USH2A: variants seen among roughly 807,000 people sequenced by gnomAD.
The protein encoded by USH2A is Usher syndrome 2A (autosomal recessive, mild).
A neutral mutation model predicts 538.9 loss-of-function variants in USH2A; 443 were observed. The ratio of observed to expected loss-of-function variants is 0.82; its 90% CI spans 0.76 to 0.89. The LOEUF (loss-of-function observed/expected upper bound fraction) is 0.89, where lower values mean the gene tolerates loss of function less well. USH2A is among the 40% of genes least tolerant of loss of function. The pLI, the probability that USH2A is intolerant of heterozygous loss-of-function variation, is 0.00. For synonymous variants in USH2A, 2,413 were observed against 2,273.5 expected (o/e 1.06, Z -1.75); for missense variants, 6,633 against 6,324.8 (o/e 1.05, Z -1.65).
At chr1:216,410,047 A>C (rs2039460489) in intron 3 of USH2A, among the ~76,000 whole-genome samples, 2 of 152,176 alleles carry the variant, frequency 1.3e-5, no homozygotes, top group African/African-American at 4.8e-5. Context: ...AAAAGTGGGC[A>C]AAGGACATAA....
At chr1:215,994,382 TTA>T (rs1668085540) in intron 34 of USH2A, among the ~76,000 whole-genome samples, 1 of 152,122 alleles carries the variant, frequency 6.6e-6, no homozygotes, top group African/African-American at 2.4e-5. Context: ...TGACTGATTT[TTA>T]GATTTTTTTT....
intron 56 of USH2A, among the ~76,000 whole-genome samples, chr1:215,760,864 C>T (rs780619178): frequency 6.6e-6 from 1 of 152,132 alleles, no homozygotes; most frequent in African/African-American, 2.4e-5. Flanking sequence ...GCCTCCATGT[C>T]GAAATCTTGG....
chr1:215,764,031 A>T (rs1176250854), intron 56 of USH2A, among the ~76,000 whole-genome samples: 7 of 152,084 alleles, frequency 4.6e-5, no homozygotes, highest in African/African-American at 1.4e-4. Context: ...GGAGTGGAAG[A>T]ATTAAGTGGC....
chr1:216,065,757 C>T (rs896671529), intron 30 of USH2A, among the ~76,000 whole-genome samples: 8 of 151,878 alleles, frequency 5.3e-5, no homozygotes, highest in South Asian at 4.2e-4. Flanking sequence ...GTTACCCTGG[C>T]GTGGTGATGC....
chr1:216,050,612 T>TTC (rs1558231950), intron 30 of USH2A, among the ~76,000 whole-genome samples: 1 of 25,466 alleles, frequency 3.9e-5, no homozygotes, highest in Non-Finnish European at 8.0e-5. Flanking sequence ...TTCTTTTTTT[T>TTC]TTTTTTTTTT....
intron 13 of USH2A, among the ~76,000 whole-genome samples, chr1:216,239,120 A>G (rs1392230505): frequency 6.6e-6 from 1 of 152,012 alleles, no homozygotes; most frequent in Non-Finnish European, 1.5e-5. Flanking sequence ...AAAAAACATT[A>G]AAGTGGAATT....
At chr1:215,708,053 C>T (rs1434775080) in intron 61 of USH2A, among the ~76,000 whole-genome samples, 1 of 152,104 alleles carries the variant, frequency 6.6e-6, no homozygotes, top group African/African-American at 2.4e-5. Flanking sequence ...ACCATCATAT[C>T]TGAAGCAAAA....
intron 61 of USH2A, among the ~76,000 whole-genome samples, chr1:215,682,380 A>G (rs1658263780): frequency 6.6e-6 from 1 of 152,188 alleles, no homozygotes; most frequent in East Asian, 1.9e-4. Flanking sequence ...CACCTGCTCA[A>G]TTATAATTTA....
At chr1:215,968,022 AT>A (rs139402531) in intron 36 of USH2A, among the ~76,000 whole-genome samples, 3,191 of 152,234 alleles carry the variant, frequency 0.021, 66 homozygotes, top group South Asian at 0.082. Context: ...AAGCAAAGTG[AT>A]TTTCTTATGG....
chr1:216,123,212 C>T (rs1423837979), intron 21 of USH2A, among the ~76,000 whole-genome samples: 1 of 152,166 alleles, frequency 6.6e-6, no homozygotes, highest in East Asian at 1.9e-4. Context: ...AGCACAGTTG[C>T]ACAGTTTTGT....
At chr1:215,669,989 A>G (rs924788088) in intron 64 of USH2A, among the ~76,000 whole-genome samples, 12 of 152,224 alleles carry the variant, frequency 7.9e-5, no homozygotes, top group Non-Finnish European at 1.5e-4. Flanking sequence ...AAGTGCTTAC[A>G]TCAGTCAGTA....
chr1:216,064,685 G>A (rs554001547), intron 30 of USH2A, among the ~76,000 whole-genome samples: 4 of 151,806 alleles, frequency 2.6e-5, no homozygotes, highest in African/African-American at 7.3e-5. Flanking sequence ...TCTGTGTTTT[G>A]ATCTGTTTAG....
Position 216,073,219 on chromosome 1 carries a change from C to T in USH2A, c.5654G>A (p.Arg1885Lys). The T allele has an allele frequency of 6.2e-7, 1 of 1,613,920 alleles. No homozygotes were observed. The highest frequency in any genetic ancestry group is 2.2e-5 in the East Asian group (1 of 44,854). Residue 1885 changes from arginine to lysine, a missense_variant, in exon 28 of 72, where the codon AGA (arginine) becomes AAA (lysine). By Grantham distance (26) the Arg-to-Lys change is conservative. Transcript: ENST00000307340. ...TGATAGGCATCCATCCAGATTGACTCTGACAGCACCGCTGGACACAGATGC... is the reference window on the plus strand; with the variant it reads ...TGATAGGCATCCATCCAGATTGACTTTGACAGCACCGCTGGACACAGATGC... The part of the protein sequence containing the change: ...NLASVSSGAV[R>K]VNLDGCLSTD...
At chr1:216,331,303 A>C (rs1248131446) in intron 4 of USH2A, among the ~76,000 whole-genome samples, 1 of 152,138 alleles carries the variant, frequency 6.6e-6, no homozygotes, top group African/African-American at 2.4e-5. Context: ...TTCTTTGAAA[A>C]ATATTCATAT....
chr1:216,322,490 C>G (rs1242037569), intron 8 of USH2A, among the ~76,000 whole-genome samples: 1 of 151,136 alleles, frequency 6.6e-6, no homozygotes, highest in African/African-American at 2.4e-5. Flanking sequence ...GCCTGTAGTC[C>G]CAGTTACTTT....
intron 5 of USH2A, among the ~76,000 whole-genome samples, chr1:216,327,366 A>G (rs147649488): frequency 9.2e-4 from 140 of 152,288 alleles, no homozygotes; most frequent in African/African-American, 3.2e-3. Context: ...GAATATCCTT[A>G]GGAAAAATGT....
intron 47 of USH2A, among the ~76,000 whole-genome samples, chr1:215,832,423 G>C (rs534958559): frequency 6.6e-6 from 1 of 151,754 alleles, no homozygotes; most frequent in Non-Finnish European, 1.5e-5. Context: ...ATATGAAGAA[G>C]AAAATATGTC....
intron 11 of USH2A, among the ~76,000 whole-genome samples, chr1:216,261,832 C>T (rs1354852825): frequency 6.6e-6 from 1 of 152,108 alleles, no homozygotes; most frequent in Non-Finnish European, 1.5e-5. Context: ...AGCTAGGTGA[C>T]CCATCACATG....
intron 3 of USH2A, among the ~76,000 whole-genome samples, chr1:216,385,151 A>G (rs1413396774): frequency 6.6e-6 from 1 of 152,182 alleles, no homozygotes; most frequent in African/African-American, 2.4e-5. Flanking sequence ...GCTTTAAAGG[A>G]AACATCTCTT....
Sources: allele counts gnomAD v4.1 joint callset (sites outside exome capture counted in the v4.1 genomes callset), GRCh38; gene constraint gnomAD v4.1.1; transcripts MANE v1.5; gene names NCBI Gene and HGNC (gene_info 2026-07-23, HGNC 2026-07-21).